Variants in COL26A1 observed in about 807,000 individuals in gnomAD.
COL26A1 encodes the protein collagen alpha-1(XXVI) chain.
Under a neutral mutation model 59.3 loss-of-function variants are expected in COL26A1, and 41 were observed. That is an observed-to-expected ratio of 0.69 (90% CI 0.54 to 0.90). The LOEUF (loss-of-function observed/expected upper bound fraction) is 0.90. COL26A1 is among the 40% of genes least tolerant of loss of function. COL26A1 has a pLI of 0.00. For missense variants in COL26A1, 612 were observed against 602.3 expected, an observed-to-expected ratio of 1.02 and a Z score of -0.17; for synonymous variants, 266 against 256.0, an observed-to-expected ratio of 1.04 and a Z score of -0.37.
intron 3 of COL26A1, among the ~76,000 whole-genome samples, chr7:101,489,668 C>CT (rs1584455207): frequency 3.7e-5 from 1 of 26,754 alleles, no homozygotes; most frequent in Non-Finnish European, 6.5e-5. Context: ...TTTCTTCCTT[C>CT]CTTCCTTCCT....
rs7798568 is a variant in COL26A1, at chr7:101,389,795, C to T, written c.158+26605C>T. On this transcript the variant is annotated intron_variant, in intron 1 of 12. Coordinates refer to ENST00000313669, the MANE Select transcript of COL26A1 (RefSeq NM_001278563.3). ...CTCGAACTCCCAACCTCAGGTGATC[C>T]GCCCATCTCGGCCTCCCAAAGTGCT... Among the ~76,000 whole-genome samples the T allele has an allele frequency of 2.1e-3, 312 of 152,066 alleles. 1 individual carries two copies. The highest frequency in any genetic ancestry group is 3.4e-3 in the Middle Eastern group (1 of 294).
At chr7:101,463,888 T>C (rs1393838144) in intron 3 of COL26A1, among the ~76,000 whole-genome samples, 4 of 98,362 alleles carry the variant, frequency 4.1e-5, no homozygotes, top group African/African-American at 1.6e-4. Context: ...TTTCTTTCTT[T>C]CTTTCTTTCT....
intron 3 of COL26A1, among the ~76,000 whole-genome samples, chr7:101,450,958 GATA>G (rs1007999373): frequency 5.7e-5 from 8 of 141,224 alleles, no homozygotes; most frequent in Admixed American, 1.5e-4. Context: ...ATTAATTATT[GATA>G]ATAAATATTA....
intron 3 of COL26A1, among the ~76,000 whole-genome samples, chr7:101,530,518 T>C (rs1795342408): frequency 7.0e-6 from 1 of 142,912 alleles, no homozygotes; most frequent in Middle Eastern, 3.7e-3. Flanking sequence ...GTGAGCAAGA[T>C]TGCATCACTG....
chr7:101,389,342 G>A (rs189247180), intron 1 of COL26A1, among the ~76,000 whole-genome samples: 1 of 149,610 alleles, frequency 6.7e-6, no homozygotes, highest in East Asian at 2.0e-4. Flanking sequence ...TTATGTATCT[G>A]GATATTAACC....
At chr7:101,511,141 A>T (rs1186617417) in intron 3 of COL26A1, among the ~76,000 whole-genome samples, 1 of 151,578 alleles carries the variant, frequency 6.6e-6, no homozygotes, top group Non-Finnish European at 1.5e-5. Context: ...TAGCCTCATG[A>T]TCCACCCGCC....
In COL26A1 at chr7:101,423,458, G is replaced by A. The variant is rs184608330; in HGVS notation, c.281+3359G>A. On this transcript the variant is annotated intron_variant, in intron 2 of 12. Coordinates refer to ENST00000313669, the MANE Select transcript of COL26A1 (RefSeq NM_001278563.3). ...TTTCAGAAGTGCTGGGGTCCGGCCC[G>A]GCGTGGTGGCTCACGCCTATAATCC... 3.9e-5 allele frequency among the ~76,000 whole-genome samples: 6 copies of A among 152,276 alleles called. No homozygotes were observed. In the East Asian group the frequency reaches 9.7e-4, roughly 24 times the overall value.
At chr7:101,385,092 T>C (rs1791533646) in intron 1 of COL26A1, among the ~76,000 whole-genome samples, 1 of 151,900 alleles carries the variant, frequency 6.6e-6, no homozygotes, top group East Asian at 1.9e-4. Flanking sequence ...CCCACCCACA[T>C]TGAGGGTGGG....
chr7:101,487,887 G>A (rs186378838), intron 3 of COL26A1, among the ~76,000 whole-genome samples: 6 of 152,208 alleles, frequency 3.9e-5, no homozygotes, highest in Admixed American at 2.0e-4. Context: ...TCACAGTATC[G>A]TTTTTTATTT....
At chr7:101,394,189 T>A (rs886164784) in intron 1 of COL26A1, among the ~76,000 whole-genome samples, 2 of 152,014 alleles carry the variant, frequency 1.3e-5, no homozygotes, top group African/African-American at 4.8e-5. Context: ...GATGTTACCA[T>A]GGAAACCAGA....
chr7:101,389,291 A>G (rs1217503130), intron 1 of COL26A1, among the ~76,000 whole-genome samples: 1 of 151,716 alleles, frequency 6.6e-6, no homozygotes, highest in African/African-American at 2.4e-5. Context: ...CCTGTTTTGA[A>G]TTGGGTTGTT....
intron 1 of COL26A1, among the ~76,000 whole-genome samples, chr7:101,413,032 A>G (rs1792279087): frequency 6.6e-6 from 1 of 152,184 alleles, no homozygotes; most frequent in South Asian, 2.1e-4. Context: ...GCATCATGAC[A>G]TGATTTCCTG....
chr7:101,540,673 TA>T (rs1305633914), intron 5 of COL26A1, among the ~76,000 whole-genome samples: 4 of 151,720 alleles, frequency 2.6e-5, no homozygotes, highest in Non-Finnish European at 5.9e-5. Flanking sequence ...GGCAACATGG[TA>T]AAACCCCCAT....
intron 2 of COL26A1, among the ~76,000 whole-genome samples, chr7:101,423,124 G>A (rs919389711): frequency 6.6e-6 from 1 of 152,112 alleles, no homozygotes; most frequent in African/African-American, 2.4e-5. Flanking sequence ...AATTAGCCAG[G>A]TGTGGTGGTG....
Position 101,533,095 on chromosome 7 carries a change from C to T in COL26A1, c.399C>T (p.Cys133=). The T allele has an allele frequency of 1.2e-6, 2 of 1,607,326 alleles. No individual in the cohort carries two copies. Among genetic ancestry groups the T allele is most frequent in the Non-Finnish European group, 1.7e-6 (2 of 1,177,594 alleles). The change falls in exon 4 of 13, where the codon TGC becomes TGT. Residue 133 remains cysteine (C), a synonymous_variant. Transcript: ENST00000313669. ...GSNCDEECMN[C]TRLSDMSERL... Reference sequence around the variant, plus strand: ...CTTCTCTTTCAGAATGCATGAACTGCACCCGGCTCAGTGACATGAGTGAGC... The same window carrying T: ...CTTCTCTTTCAGAATGCATGAACTGTACCCGGCTCAGTGACATGAGTGAGC...
intron 3 of COL26A1, among the ~76,000 whole-genome samples, chr7:101,491,731 A>T (rs59574680): frequency 6.6e-6 from 1 of 152,090 alleles, no homozygotes; most frequent in African/African-American, 2.4e-5. Flanking sequence ...TCTCATCGCC[A>T]TCTTGGTTTT....
At chr7:101,540,707 A>T in intron 5 of COL26A1, among the ~76,000 whole-genome samples, 1 of 152,076 alleles carries the variant, frequency 6.6e-6, no homozygotes, top group African/African-American at 2.4e-5. Flanking sequence ...TACAAAAATT[A>T]GCCCAGCATG....
chr7:101,433,631 GAA>G (rs748026478), intron 2 of COL26A1, among the ~76,000 whole-genome samples: 27 of 152,136 alleles, frequency 1.8e-4, no homozygotes, highest in Non-Finnish European at 4.0e-4. Context: ...AAACCACTGA[GAA>G]TGATCCTCAG....
At chr7:101,455,158 T>A in intron 3 of COL26A1, among the ~76,000 whole-genome samples, 1 of 148,516 alleles carries the variant, frequency 6.7e-6, no homozygotes. Flanking sequence ...TCCTCCCACC[T>A]CAGCCTCCCA....
Sources: allele counts gnomAD v4.1 joint callset (sites outside exome capture counted in the v4.1 genomes callset), GRCh38; gene constraint gnomAD v4.1.1; transcripts MANE v1.5; gene names NCBI Gene and HGNC (gene_info 2026-07-23, HGNC 2026-07-21).